PIK3CD: variants seen among roughly 807,000 people sequenced by gnomAD.
PIK3CD encodes phosphatidylinositol-4,5-bisphosphate 3-kinase catalytic subunit delta, also known as phosphatidylinositol 4,5-bisphosphate 3-kinase catalytic subunit delta isoform.
In PIK3CD, 20 loss-of-function variants were observed where a neutral mutation model predicts 122.9. The ratio of observed to expected loss-of-function variants is 0.16; its 90% CI spans 0.11 to 0.24. The LOEUF (loss-of-function observed/expected upper bound fraction) is 0.24, where lower values mean the gene tolerates loss of function less well. Ranked by LOEUF, PIK3CD falls within the 10% of genes least tolerant of loss-of-function variation. The pLI is 1.00. For synonymous variants in PIK3CD, 596 were observed against 593.4 expected (o/e 1.00, Z -0.06); for missense variants, 787 against 1,406.3 (o/e 0.56, Z 7.04).
chr1:9,697,184 CAA>C (rs1646452936), intron 2 of PIK3CD, among the ~76,000 whole-genome samples: 1 of 151,642 alleles, frequency 6.6e-6, no homozygotes, highest in Non-Finnish European at 1.5e-5. Flanking sequence ...CTAGCCTGGG[CAA>C]CATAGCAAGA....
rs1329827811 is a variant in PIK3CD at position 9,689,550 on chromosome 1, G to C, written c.-137-1917G>C. ...GCCCCGCCCCGGGCCGCGCCCCTCC[G>C]CCGAGCCCCGCTTGCCTGCACCTCG... On this transcript the variant is annotated intron_variant, in intron 1 of 23. Transcript: ENST00000377346. The surrounding 1 kb of genome is among the most constrained non-coding windows in gnomAD (Gnocchi z 6.1). Among the ~76,000 whole-genome samples, 42 of 137,166 alleles carry C rather than the reference G, an allele frequency of 3.1e-4. 2 individuals are homozygous for C. Among genetic ancestry groups the C allele is most frequent in the Non-Finnish European group, 1.3e-4 (8 of 63,362 alleles). The allele number at this position is 137,166 out of a possible 152,430, so 90.0% of individuals were successfully genotyped here.
intron 3 of PIK3CD, among the ~76,000 whole-genome samples, chr1:9,711,913 T>C (rs1163006461): frequency 3.3e-5 from 5 of 152,092 alleles, no homozygotes; most frequent in African/African-American, 1.2e-4. Context: ...CTTTTTTTTT[T>C]TGAGATGGAG....
the PIK3CD span, among the ~76,000 whole-genome samples, chr1:9,628,931 T>A: frequency 2.7e-5 from 4 of 150,128 alleles, no homozygotes; most frequent in African/African-American, 9.8e-5. Context: ...GGGAACTCCA[T>A]GGGAAGGTCC....
At position 9,652,162 on chromosome 1, in the gene PIK3CD, C is replaced by T. The variant is rs952838735; in HGVS notation, c.-138+360C>T. 4.6e-5 allele frequency among the ~76,000 whole-genome samples: 7 copies of T among 152,154 alleles called. No individual in the cohort carries two copies. Among genetic ancestry groups the T allele is most frequent in the Non-Finnish European group, 1.0e-4 (7 of 67,998 alleles). Reference sequence around the variant, plus strand: ...CACAGCGGCGGTGCGGCCTCCGGTGCGCCGGCTGAGGCGCGAGGATACTGG... The same window carrying T: ...CACAGCGGCGGTGCGGCCTCCGGTGTGCCGGCTGAGGCGCGAGGATACTGG... On this transcript the variant is annotated intron_variant, in intron 1 of 23. Transcript: ENST00000377346. The surrounding 1 kb of genome is among the most constrained non-coding windows in gnomAD (Gnocchi z 6.2).
chr1:9,701,647 C>T (rs977277512), intron 2 of PIK3CD, among the ~76,000 whole-genome samples: 39 of 133,760 alleles, frequency 2.9e-4, no homozygotes, highest in Admixed American at 2.2e-3. Context: ...CCAGCCTGGG[C>T]GACAGAGCAA....
Position 9,710,415 on chromosome 1 carries a change from C to T in PIK3CD, c.-32-9C>T. 6.2e-7 allele frequency: 1 copy of T among 1,612,610 alleles called. No individual in the cohort carries two copies. The highest frequency in any genetic ancestry group is 8.5e-7 in the Non-Finnish European group (1 of 1,178,798). On this transcript the variant is annotated splice_polypyrimidine_tract_variant and intron_variant, in intron 2 of 23. Coordinates refer to ENST00000377346, the MANE Select transcript of PIK3CD (RefSeq NM_005026.5). This position sits in a 1 kb window ranked among gnomAD's most constrained non-coding sequence, Gnocchi z 4.7. ...GAGGTAACTCATTTTGCCATTTCTT[C>T]ATTTTTAGGACAACTGTCATCTGGG...
intron 1 of PIK3CD, among the ~76,000 whole-genome samples, chr1:9,679,685 G>A (rs1014366495): frequency 5.3e-5 from 8 of 152,160 alleles, no homozygotes; most frequent in African/African-American, 1.9e-4. Context: ...TTGGGCACCA[G>A]TGACTTTGCC....
chr1:9,685,473 C>T (rs1030411319), intron 1 of PIK3CD, among the ~76,000 whole-genome samples: 5 of 152,034 alleles, frequency 3.3e-5, no homozygotes, highest in African/African-American at 9.7e-5. Flanking sequence ...AATCTCGTGC[C>T]TCAGCCTTCT....
chr1:9,644,949 A>G, the PIK3CD span, among the ~76,000 whole-genome samples: 1 of 152,108 alleles, frequency 6.6e-6, no homozygotes, highest in East Asian at 1.9e-4. Context: ...TTGGACGGGC[A>G]GAAGCACACT....
intron 1 of PIK3CD, 46 bp from the exon 2 acceptor site, chr1:9,691,413 ATTCTCTCT>A (rs1292202254): frequency 2.5e-6 from 1 of 397,798 alleles, no homozygotes; most frequent in Non-Finnish European, 4.4e-6. Context: ...GGTTTCTGAA[ATTCTCTCT>A]TGTTAAAATA....
chr1:9,651,007 G>A (rs941451873), upstream of PIK3CD, among the ~76,000 whole-genome samples: 1 of 152,026 alleles, frequency 6.6e-6, no homozygotes, highest in African/African-American at 2.4e-5. Context: ...ACCACGACTG[G>A]CTAATTTTTA....
At chr1:9,726,772 T>G (rs1279511851) in intron 23 of PIK3CD, 137 bp from the exon 24 acceptor site, 1 of 1,117,940 alleles carries the variant, frequency 8.9e-7, no homozygotes, top group Non-Finnish European at 1.3e-6. Flanking sequence ...GGGAGCGGAA[T>G]AGAGAGCTTT....
intron 1 of PIK3CD, chr1:9,654,117 A>C (rs1212789046): frequency 1.7e-6 from 2 of 1,190,492 alleles, no homozygotes; most frequent in African/African-American, 3.1e-5. Flanking sequence ...AGAGACAACT[A>C]AGCTAGCCTC....
the PIK3CD span, among the ~76,000 whole-genome samples, chr1:9,646,279 T>C: frequency 2.6e-5 from 4 of 152,200 alleles, no homozygotes; most frequent in Non-Finnish European, 5.9e-5. Context: ...GGAGAAAATA[T>C]AACTTCTCCT....
intron 2 of PIK3CD, among the ~76,000 whole-genome samples, chr1:9,699,550 A>G (rs1182030722): frequency 6.7e-6 from 1 of 150,176 alleles, no homozygotes; most frequent in Admixed American, 6.6e-5. Context: ...TCTCCCAGTC[A>G]CGCCCTTGAC....
chr1:9,653,582 T>C, intron 1 of PIK3CD: 1 of 366,264 alleles, frequency 2.7e-6, no homozygotes, highest in East Asian at 7.0e-5. Flanking sequence ...TAAGATACCC[T>C]TGAGACTCCT....
At chr1:9,645,390 G>GTTATCATGGTTTCAAAAAGGGTA in the PIK3CD span, among the ~76,000 whole-genome samples, 1 of 151,976 alleles carries the variant, frequency 6.6e-6, no homozygotes, top group Non-Finnish European at 1.5e-5. Flanking sequence ...AGTCCCTAGG[G>GTTATCATGGTTTCAAAAAGGGTA]TCACGGTTTC....
intron 2 of PIK3CD, among the ~76,000 whole-genome samples, chr1:9,697,936 T>G (rs12066330): frequency 0.019 from 2,852 of 151,918 alleles, 89 homozygotes; most frequent in African/African-American, 0.065. Flanking sequence ...GGAGCTGTGA[T>G]GAGAGGATGG....
the PIK3CD span, among the ~76,000 whole-genome samples, chr1:9,627,898 C>A: frequency 6.6e-6 from 1 of 152,188 alleles, no homozygotes; most frequent in Non-Finnish European, 1.5e-5. Context: ...ACAGAGGCCG[C>A]GGGTGGCAGA....
Sources: gnomAD v4.1 joint callset for allele counts (sites outside exome capture counted in the v4.1 genomes callset) on GRCh38, gnomAD v4.1.1 for gene constraint, Gnocchi (gnomAD v3.1) non-coding constraint, MANE v1.5 for transcripts, NCBI Gene and HGNC (gene_info 2026-07-23, HGNC 2026-07-21) for gene names.